The following NDUFV2 variants were observed in gnomAD, a reference collection of about 807,000 sequenced individuals.
NDUFV2 encodes NADH:ubiquinone oxidoreductase core subunit V2.
A neutral mutation model predicts 31.6 loss-of-function variants in NDUFV2; 18 were observed. The observed-to-expected ratio is 0.57, with a 90% CI of 0.39 to 0.84. The LOEUF (loss-of-function observed/expected upper bound fraction) is 0.84. NDUFV2 is among the 40% of genes least tolerant of loss of function. The pLI, the probability that NDUFV2 is intolerant of heterozygous loss-of-function variation, is 0.00. For synonymous variants in NDUFV2, 83 were observed against 99.8 expected (o/e 0.83, Z 1.01); for missense variants, 314 against 303.6 (o/e 1.03, Z -0.26).
intron 1 of NDUFV2, chr18:9,104,178 G>T (rs1017206415): frequency 6.2e-7 from 1 of 1,612,672 alleles, no homozygotes; most frequent in Admixed American, 1.7e-5. Context: ...AGTCTTGTTG[G>T]CAAGAAAAAG....
Position 9,133,118 on chromosome 18 carries a change from C to G in NDUFV2, c.657-1068C>G, listed in dbSNP as rs116578130. Among the ~76,000 whole-genome samples, 913 of 152,208 alleles carry G rather than the reference C, an allele frequency of 6.0e-3. 12 individuals are homozygous for G. Among genetic ancestry groups the G allele is most frequent in the African/African-American group, 0.021 (869 of 41,528 alleles). On this transcript the variant is annotated intron_variant, in intron 7 of 7. Transcript: ENST00000318388. ...TATATGCTGTGACATCTTGAAAGAT[C>G]TTATATTATGTGGTGTCACTTTCCT...
chr18:9,108,019 A>G (rs2077850326), intron 1 of NDUFV2, among the ~76,000 whole-genome samples: 2 of 152,216 alleles, frequency 1.3e-5, no homozygotes, highest in Non-Finnish European at 2.9e-5. Context: ...TTTCATTTCT[A>G]TAAATTATTC....
chr18:9,115,571 T>G (rs1289875351), intron 1 of NDUFV2: 3 of 152,162 alleles, frequency 2.0e-5, no homozygotes, highest in Non-Finnish European at 4.4e-5. Flanking sequence ...AAATGGACAC[T>G]TGGGGCCAGG....
chr18:9,117,814 CT>C, intron 1 of NDUFV2, 23 bp from the exon 2 acceptor site: 1 of 1,457,516 alleles, frequency 6.9e-7, no homozygotes, highest in Non-Finnish European at 9.6e-7. Context: ...ATTTACTAAA[CT>C]TTCTTAAAAT....
intron 7 of NDUFV2, among the ~76,000 whole-genome samples, chr18:9,127,802 C>T (rs573208003): frequency 6.6e-6 from 1 of 152,242 alleles, no homozygotes; most frequent in African/African-American, 2.4e-5. Flanking sequence ...ACATACTGAG[C>T]AGCACAGAGC....
intron 1 of NDUFV2, among the ~76,000 whole-genome samples, chr18:9,105,421 G>A (rs1021934514): frequency 2.0e-5 from 3 of 152,124 alleles, no homozygotes; most frequent in African/African-American, 7.2e-5. Context: ...ATACCTCATA[G>A]GTGATTGTAG....
chr18:9,125,970 CTG>C (rs1308587274), intron 6 of NDUFV2, among the ~76,000 whole-genome samples: 1 of 152,202 alleles, frequency 6.6e-6, no homozygotes, highest in Non-Finnish European at 1.5e-5. Context: ...GTTAGACTCT[CTG>C]GGGCTGGCTG....
At chr18:9,104,068 A>C in intron 1 of NDUFV2, 1 of 1,387,450 alleles carries the variant, frequency 7.2e-7, no homozygotes, top group Non-Finnish European at 1.0e-6. Context: ...GAATAGGGTC[A>C]TCCAATGTGG....
At chr18:9,131,434 C>G (rs974287759) in intron 7 of NDUFV2, among the ~76,000 whole-genome samples, 4 of 152,154 alleles carry the variant, frequency 2.6e-5, no homozygotes, top group African/African-American at 7.2e-5. Flanking sequence ...AACTTGTTTT[C>G]AGGTTACTAA....
chr18:9,127,979 CATTA>C (rs1568195988), intron 7 of NDUFV2, among the ~76,000 whole-genome samples: 1 of 152,204 alleles, frequency 6.6e-6, no homozygotes, highest in East Asian at 1.9e-4. Flanking sequence ...ACCTGTGTTA[CATTA>C]ATTACTTTCC....
chr18:9,117,824 A>T lies in NDUFV2; in HGVS notation c.55-14A>T. 1 of 1,531,082 alleles carries T rather than the reference A, an allele frequency of 6.5e-7. No individual in the cohort carries two copies. Among genetic ancestry groups the T allele is most frequent in the Non-Finnish European group, 9.0e-7 (1 of 1,105,708 alleles). The allele number at this position is 1,531,082 out of a possible 1,614,324, so 94.8% of individuals were successfully genotyped here. On this transcript the variant is annotated splice_polypyrimidine_tract_variant and intron_variant, in intron 1 of 7. Transcript: ENST00000318388. ...CTATGATTTACTAAACTTTCTTAAA[A>T]TTTTAAATTTTAGGGAAGACATGTA... is the stretch of plus-strand genomic sequence containing the variant.
rs759234439 is a variant in NDUFV2, at chr18:9,102,787, C to T, written c.44C>T (p.Thr15Ile). ...AALRARAAGL[T>I]AHWGRHVRNL... ...CTCCGGGCCCGGGCGGCTGGCCTCA[C>T]CGCCCACTGGGTAAGGAGGCTCAAG... The change falls in exon 1 of 8, where the codon ACC (threonine) becomes ATC (isoleucine). Residue 15 changes from threonine to isoleucine, a missense_variant. Coordinates refer to ENST00000318388, the MANE Select transcript of NDUFV2 (RefSeq NM_021074.5). 6.3e-7 allele frequency: 1 copy of T among 1,575,230 alleles called. No individual in the cohort carries two copies. Among genetic ancestry groups the T allele is most frequent in the South Asian group, 1.2e-5 (1 of 86,008 alleles).
intron 7 of NDUFV2, among the ~76,000 whole-genome samples, chr18:9,130,016 G>C (rs571342250): frequency 3.9e-5 from 6 of 152,290 alleles, no homozygotes; most frequent in South Asian, 4.1e-4. Flanking sequence ...GGTAGGGCAA[G>C]TTTGGGGAAG....
intron 5 of NDUFV2, among the ~76,000 whole-genome samples, chr18:9,124,456 T>TC (rs1167476069): frequency 6.7e-6 from 1 of 148,830 alleles, no homozygotes; most frequent in East Asian, 2.0e-4. Flanking sequence ...ACTTTTTTTT[T>TC]TTTTTTTTTG....
At chr18:9,118,802 AAG>A (rs1045667092) in intron 2 of NDUFV2, among the ~76,000 whole-genome samples, 13 of 146,678 alleles carry the variant, frequency 8.9e-5, no homozygotes, top group African/African-American at 3.0e-4. Context: ...AAACGTGGGA[AAG>A]AGATGGTGCT....
At chr18:9,126,545 G>A in intron 6 of NDUFV2, 1 of 383,698 alleles carries the variant, frequency 2.6e-6, no homozygotes, top group South Asian at 2.5e-5. Context: ...ACTATATATA[G>A]GAGTTACTTA....
intron 1 of NDUFV2, among the ~76,000 whole-genome samples, chr18:9,110,006 TAAAA>T (rs888689015): frequency 2.0e-5 from 3 of 152,222 alleles, no homozygotes; most frequent in Non-Finnish European, 2.9e-5. Flanking sequence ...CTTTTCTTCT[TAAAA>T]AAAGGAAGTT....
intron 7 of NDUFV2, among the ~76,000 whole-genome samples, chr18:9,130,172 G>A (rs1424565511): frequency 1.3e-5 from 2 of 152,148 alleles, no homozygotes. Context: ...CAGTTACTAA[G>A]GGTAGTATTT....
At chr18:9,114,384 A>G (rs555377343) in intron 1 of NDUFV2, among the ~76,000 whole-genome samples, 1 of 152,004 alleles carries the variant, frequency 6.6e-6, no homozygotes, top group Admixed American at 6.5e-5. Context: ...TCTTTGATAA[A>G]GTCAACTAAC....
Sources: allele counts gnomAD v4.1 joint callset (sites outside exome capture counted in the v4.1 genomes callset), GRCh38; gene constraint gnomAD v4.1.1; transcripts MANE v1.5; gene names NCBI Gene and HGNC (gene_info 2026-07-23, HGNC 2026-07-21).